CAMTA1: variants seen among roughly 807,000 people sequenced by gnomAD.
CAMTA1 encodes calmodulin-binding transcription activator 1.
In CAMTA1, 27 loss-of-function variants were observed where a neutral mutation model predicts 170.9. The ratio of observed to expected loss-of-function variants is 0.16; its 90% CI spans 0.12 to 0.22. The LOEUF is 0.22. Among genes scored for constraint, CAMTA1 ranks in the 10% least tolerant of loss-of-function variants. The pLI is 1.00. For synonymous variants in CAMTA1, 833 were observed against 891.5 expected (o/e 0.93, Z 1.17); for missense variants, 1,619 against 2,217.2 (o/e 0.73, Z 5.42).
In CAMTA1 at chr1:7,670,871, G is replaced by T. The variant is rs748325765; in HGVS notation, c.2653-40G>T. ...CTTCCCCATGCTGCCTCCCACAGTGGCTCACACTCCAACTCTGTTCCCCTC... is the reference window on the plus strand; with the variant it reads ...CTTCCCCATGCTGCCTCCCACAGTGTCTCACACTCCAACTCTGTTCCCCTC... On this transcript the variant is annotated intron_variant, in intron 9 of 22. Coordinates refer to ENST00000303635, the MANE Select transcript of CAMTA1 (RefSeq NM_015215.4). 10 of 1,607,348 alleles carry T rather than the reference G, an allele frequency of 6.2e-6. No homozygotes were observed. In the East Asian group the frequency reaches 1.6e-4, roughly 25 times the overall value.
At chr1:7,538,009 G>T (rs980874272) in intron 6 of CAMTA1, among the ~76,000 whole-genome samples, 2 of 152,052 alleles carry the variant, frequency 1.3e-5, no homozygotes, top group East Asian at 3.9e-4. Context: ...TGTTCTTCAT[G>T]GGCCCCTGCC....
At chr1:7,049,111 T>G (rs12028151) in intron 3 of CAMTA1, among the ~76,000 whole-genome samples, 9,746 of 152,270 alleles carry the variant, frequency 0.064, 378 homozygotes, top group East Asian at 0.17. Flanking sequence ...GCATCAGCCA[T>G]TCTCCGGACT....
At chr1:7,244,757 G>A (rs748558349) in intron 4 of CAMTA1, among the ~76,000 whole-genome samples, 7 of 152,068 alleles carry the variant, frequency 4.6e-5, no homozygotes, top group East Asian at 1.9e-4. Flanking sequence ...TGGGGGAGGC[G>A]GGGAGGGATA....
At chr1:7,135,433 G>T (rs552716696) in intron 4 of CAMTA1, among the ~76,000 whole-genome samples, 1 of 152,072 alleles carries the variant, frequency 6.6e-6, no homozygotes, top group African/African-American at 2.4e-5. Flanking sequence ...ACAGATGCTG[G>T]TGAGGCTGTG....
chr1:7,498,092 T>A (rs1055468312), intron 6 of CAMTA1, among the ~76,000 whole-genome samples: 10 of 151,696 alleles, frequency 6.6e-5, no homozygotes, highest in African/African-American at 2.4e-4. Flanking sequence ...GGGAGCATCC[T>A]GAGGAGAGGG....
chr1:7,513,880 C>T (rs1285574266), intron 6 of CAMTA1, among the ~76,000 whole-genome samples: 1 of 152,138 alleles, frequency 6.6e-6, no homozygotes, highest in African/African-American at 2.4e-5. Flanking sequence ...CAAGATTGCA[C>T]CATTGCACTC....
At position 7,680,560 on chromosome 1, in the gene CAMTA1, T is replaced by TGCGAGGACC. The variant is rs1377874604; in HGVS notation, c.2914+2831_2914+2839dup. ...CGGGGTCTGGGGCCCCAGCAGGGAC[T>TGCGAGGACC]GCGAGGACCGCGGGACTAGGAAGGC... On this transcript the variant is annotated intron_variant, in intron 11 of 22. Coordinates refer to ENST00000303635, the MANE Select transcript of CAMTA1 (RefSeq NM_015215.4). The surrounding 1 kb of genome is among the most constrained non-coding windows in gnomAD (Gnocchi z 4.4). Among the ~76,000 whole-genome samples, 5 of 151,540 alleles carry TGCGAGGACC rather than the reference T, an allele frequency of 3.3e-5. No homozygotes were observed. Among genetic ancestry groups the TGCGAGGACC allele is most frequent in the African/African-American group, 1.2e-4 (5 of 41,262 alleles).
chr1:7,630,392 A>G (rs1355008793), intron 6 of CAMTA1, among the ~76,000 whole-genome samples: 1 of 152,176 alleles, frequency 6.6e-6, no homozygotes, highest in Non-Finnish European at 1.5e-5. Flanking sequence ...CCCACCATAA[A>G]TGTGTTTTTC....
intron 3 of CAMTA1, among the ~76,000 whole-genome samples, chr1:6,981,798 C>G (rs747011922): frequency 1.3e-5 from 2 of 151,516 alleles, no homozygotes; most frequent in Admixed American, 1.3e-4. Context: ...GGTGCAATCA[C>G]AGCTTGCTGC....
At chr1:7,051,029 T>C (rs1428197706) in intron 3 of CAMTA1, among the ~76,000 whole-genome samples, 4 of 152,160 alleles carry the variant, frequency 2.6e-5, no homozygotes, top group African/African-American at 9.7e-5. Context: ...CCCTGGCCCC[T>C]AAGTCAGCCC....
chr1:7,484,785 T>C lies in CAMTA1; in HGVS notation c.510+16884T>C, dbSNP rs1341159982. Among the ~76,000 whole-genome samples, 13 of 151,440 alleles carry C rather than the reference T, an allele frequency of 8.6e-5. No homozygotes were observed. In the East Asian group the frequency reaches 2.5e-3, roughly 29 times the overall value. ...ACCTGGGCGACAGAGCGAGACTATG[T>C]CTCAGAAAAAAAAAAAATCGTGGCT... On this transcript the variant is annotated intron_variant, in intron 6 of 22. Coordinates refer to ENST00000303635, the MANE Select transcript of CAMTA1 (RefSeq NM_015215.4).
In CAMTA1 at chr1:6,871,837, C is replaced by G. The variant is rs1467755530; in HGVS notation, c.234+46627C>G. 3 of 1,477,832 alleles carry G rather than the reference C, an allele frequency of 2.0e-6. No homozygotes were observed. In the East Asian group the frequency reaches 7.6e-5, roughly 38 times the overall value. 91.5% of individuals were successfully genotyped at this position (1,477,832 alleles called of 1,614,324 possible). On this transcript the variant is annotated intron_variant, in intron 3 of 22. Transcript: ENST00000303635. ...CCTTTGATCCCCTGACCTGCATTAC[C>G]TTGGTAACCATTTCATTTTTTAATT...
At chr1:6,905,764 A>G (rs1394553448) in intron 3 of CAMTA1, among the ~76,000 whole-genome samples, 1 of 152,116 alleles carries the variant, frequency 6.6e-6, no homozygotes, top group Non-Finnish European at 1.5e-5. Context: ...CCTCATACTT[A>G]GAGCTCTTTG....
chr1:7,272,865 A>G (rs1670051521), intron 5 of CAMTA1, among the ~76,000 whole-genome samples: 1 of 152,124 alleles, frequency 6.6e-6, no homozygotes, highest in African/African-American at 2.4e-5. Context: ...TAGGTTGAGA[A>G]ATGATTTCAA....
chr1:7,704,119 G>A (rs896943210), intron 11 of CAMTA1, among the ~76,000 whole-genome samples: 27 of 151,488 alleles, frequency 1.8e-4, no homozygotes, highest in East Asian at 1.4e-3. Flanking sequence ...CTCCCCGCTC[G>A]TTGCGCAGCG....
Position 7,065,521 on chromosome 1 carries a change from C to T in CAMTA1, c.235-25783C>T, listed in dbSNP as rs766583444. On this transcript the variant is annotated intron_variant, in intron 3 of 22. Transcript: ENST00000303635. The surrounding 1 kb of genome is among the most constrained non-coding windows in gnomAD (Gnocchi z 5.2). ...CTGGGCAACTATGCAGAAGAAAGCC[C>T]GCTTTAGGAGTGAGGTCCTGGAGGA... 3.3e-5 allele frequency among the ~76,000 whole-genome samples: 5 copies of T among 152,080 alleles called. No individual in the cohort carries two copies. Among genetic ancestry groups the T allele is most frequent in the African/African-American group, 9.7e-5 (4 of 41,402 alleles).
chr1:6,879,937 T>G (rs984607159), intron 3 of CAMTA1, among the ~76,000 whole-genome samples: 1 of 151,270 alleles, frequency 6.6e-6, no homozygotes, highest in Admixed American at 6.6e-5. Context: ...CTGTGGGAGG[T>G]TTCTTATAAA....
At chr1:7,432,098 G>C (rs1490369158) in intron 5 of CAMTA1, among the ~76,000 whole-genome samples, 3 of 152,216 alleles carry the variant, frequency 2.0e-5, no homozygotes, top group Non-Finnish European at 4.4e-5. Flanking sequence ...CGCTGACAAA[G>C]TGGACTAGAA....
intron 4 of CAMTA1, among the ~76,000 whole-genome samples, chr1:7,236,692 C>T (rs551063884): frequency 1.5e-4 from 23 of 152,298 alleles, no homozygotes; most frequent in Non-Finnish European, 2.1e-4. Flanking sequence ...GGGCCCTCCC[C>T]GGCACCTGGC....
Sources: allele counts gnomAD v4.1 joint callset (sites outside exome capture counted in the v4.1 genomes callset), GRCh38; gene constraint gnomAD v4.1.1; non-coding constraint Gnocchi (gnomAD v3.1); transcripts MANE v1.5; gene names NCBI Gene and HGNC (gene_info 2026-07-23, HGNC 2026-07-21).